Variants in DLGAP2 observed in about 807,000 individuals in gnomAD.
DLGAP2 encodes the protein DLG associated protein 2, also known as disks large-associated protein 2.
In DLGAP2, 26 loss-of-function variants were observed where a neutral mutation model predicts 100.3. The ratio of observed to expected loss-of-function variants is 0.26; its 90% CI spans 0.19 to 0.36. The LOEUF is 0.36. Among genes scored for constraint, DLGAP2 ranks in the 10% least tolerant of loss-of-function variants. The probability of loss-of-function intolerance (pLI) is 1.00; values close to 1 mark genes in which losing one functional copy is unlikely to be tolerated. For missense variants in DLGAP2, 1,858 were observed against 1,453.2 expected, an observed-to-expected ratio of 1.28 and a Z score of -4.53; for synonymous variants, 886 against 630.1, an observed-to-expected ratio of 1.41 and a Z score of -6.08.
At chr8:1,465,264 G>A (rs754531377) in intron 3 of DLGAP2, among the ~76,000 whole-genome samples, 22 of 152,074 alleles carry the variant, frequency 1.4e-4, no homozygotes, top group Non-Finnish European at 2.6e-4. Context: ...AGTGGCTCCC[G>A]AAACTCTGGG....
chr8:1,374,068 A>AGGG lies in DLGAP2; in HGVS notation c.106+115185_106+115186insGGG, dbSNP rs1802324897. ...GGTGGAGGTTAGGTTAGGTTTGCAGACGGCTGTGTGGTGGAGGTTAGGTTA... is the reference window on the plus strand; with the variant it reads ...GGTGGAGGTTAGGTTAGGTTTGCAGAGGGCGGCTGTGTGGTGGAGGTTAGGTTA... On this transcript the variant is annotated intron_variant, in intron 3 of 14. Transcript: ENST00000637795. Among the ~76,000 whole-genome samples, 6 of 151,596 alleles carry AGGG rather than the reference A, an allele frequency of 4.0e-5. No individual in the cohort carries two copies. In the East Asian group the frequency reaches 5.8e-4, roughly 15 times the overall value.
chr8:751,658 G>A (rs906327787), intron 1 of DLGAP2, among the ~76,000 whole-genome samples: 2 of 151,748 alleles, frequency 1.3e-5, no homozygotes, highest in African/African-American at 4.8e-5. Context: ...TTTATAGTAA[G>A]TCCTTATAGT....
chr8:1,508,390 ACCCCCC>A (rs1282128490), intron 4 of DLGAP2, among the ~76,000 whole-genome samples: 1 of 5,916 alleles, frequency 1.7e-4, no homozygotes, highest in East Asian at 3.1e-3. Context: ...ACCACCCCCC[ACCCCCC>A]CACCCCTCAC....
intron 1 of DLGAP2, among the ~76,000 whole-genome samples, chr8:851,798 A>G (rs1271696506): frequency 2.0e-5 from 3 of 152,148 alleles, no homozygotes; most frequent in African/African-American, 7.2e-5. Flanking sequence ...GATGCCAGGA[A>G]CCACACTCGG....
intron 3 of DLGAP2, among the ~76,000 whole-genome samples, chr8:1,331,915 C>G (rs148554904): frequency 8.5e-4 from 129 of 152,326 alleles, no homozygotes; most frequent in African/African-American, 3.0e-3. Context: ...AGCCATGTGT[C>G]AGCAAACAAT....
chr8:1,182,539 A>G (rs548280437), intron 2 of DLGAP2, among the ~76,000 whole-genome samples: 5 of 152,246 alleles, frequency 3.3e-5, no homozygotes, highest in East Asian at 1.9e-4. Context: ...TGTGATGTCT[A>G]TGTGAGATGC....
At chr8:905,853 G>T (rs988150233) in intron 1 of DLGAP2, among the ~76,000 whole-genome samples, 1 of 132,512 alleles carries the variant, frequency 7.5e-6, no homozygotes, top group East Asian at 2.4e-4. Flanking sequence ...CATGTCTTGT[G>T]ACCTCTCGCG....
chr8:1,257,442 C>A (rs796349883), intron 2 of DLGAP2, among the ~76,000 whole-genome samples: 8 of 152,258 alleles, frequency 5.3e-5, no homozygotes, highest in African/African-American at 1.9e-4. Context: ...TCCACCCCCC[C>A]GCCCCATCCT....
chr8:1,368,094 T>C (rs1341274025), intron 3 of DLGAP2, among the ~76,000 whole-genome samples: 11 of 152,212 alleles, frequency 7.2e-5, no homozygotes, highest in African/African-American at 2.7e-4. Flanking sequence ...GTTGCTGTTG[T>C]GTTGAGTGCT....
chr8:908,455 T>C (rs1037519636), intron 2 of DLGAP2, among the ~76,000 whole-genome samples: 6 of 152,138 alleles, frequency 3.9e-5, no homozygotes, highest in African/African-American at 1.4e-4. Flanking sequence ...CTGGCATGAA[T>C]GTTTTGAAGT....
intron 2 of DLGAP2, among the ~76,000 whole-genome samples, chr8:1,162,574 G>T (rs1439700862): frequency 6.6e-6 from 1 of 152,220 alleles, no homozygotes; most frequent in Non-Finnish European, 1.5e-5. Context: ...AATAGTCAAT[G>T]ACATTCAGAA....
At chr8:1,571,828 G>A (rs2130602287) in intron 6 of DLGAP2, among the ~76,000 whole-genome samples, 2 of 123,468 alleles carry the variant, frequency 1.6e-5, no homozygotes, top group Admixed American at 8.2e-5. Flanking sequence ...GGAGAGGAGA[G>A]AGGGTAAACT....
chr8:951,085 AT>A (rs917974682), intron 2 of DLGAP2, among the ~76,000 whole-genome samples: 1 of 152,104 alleles, frequency 6.6e-6, no homozygotes, highest in Non-Finnish European at 1.5e-5. Flanking sequence ...ACTACATTCT[AT>A]TTTTTTAACT....
intron 3 of DLGAP2, among the ~76,000 whole-genome samples, chr8:1,411,572 C>T (rs1796731941): frequency 6.6e-6 from 1 of 152,156 alleles, no homozygotes; most frequent in African/African-American, 2.4e-5. Context: ...AACGAGGTAA[C>T]CGAAATGCGG....
rs553989647 is a variant in DLGAP2, at chr8:1,057,342, A to T, written c.73+149376A>T. Reference sequence around the variant, plus strand: ...TATTAAGAAACAGGAGTTTTAACACAGGAAAATTTGAATTACATACAGTTC... The same window carrying T: ...TATTAAGAAACAGGAGTTTTAACACTGGAAAATTTGAATTACATACAGTTC... On this transcript the variant is annotated intron_variant, in intron 2 of 14. Coordinates refer to ENST00000637795, the MANE Select transcript of DLGAP2 (RefSeq NM_001346810.2). Among the ~76,000 whole-genome samples the T allele has an allele frequency of 2.6e-5, 4 of 152,376 alleles. No individual in the cohort carries two copies. The South Asian group carries it at 8.3e-4, about 32-fold the overall frequency.
intron 2 of DLGAP2, among the ~76,000 whole-genome samples, chr8:949,261 A>C (rs1053613080): frequency 6.6e-6 from 1 of 152,150 alleles, no homozygotes; most frequent in Non-Finnish European, 1.5e-5. Context: ...CGGCAGGAAA[A>C]GGAGGAACTT....
intron 3 of DLGAP2, among the ~76,000 whole-genome samples, chr8:1,327,822 C>T (rs1801057066): frequency 6.6e-6 from 1 of 152,100 alleles, no homozygotes; most frequent in South Asian, 2.1e-4. Context: ...CCAGCCTGGG[C>T]AACAGAGGGA....
At chr8:1,584,046 C>A (rs1419102644) in intron 6 of DLGAP2, among the ~76,000 whole-genome samples, 1 of 152,120 alleles carries the variant, frequency 6.6e-6, no homozygotes, top group Non-Finnish European at 1.5e-5. Context: ...GTCTCTACCA[C>A]ATGCCTGTTT....
chr8:1,566,701 G>A lies in DLGAP2; in HGVS notation c.1442+807G>A, dbSNP rs572585408. ...ATCAGACAGGGAGCCCTGGGCCACA[G>A]GGCCCTCCCTGTATTGTCTCTATCC... On this transcript the variant is annotated intron_variant, in intron 6 of 14. Coordinates refer to ENST00000637795, the MANE Select transcript of DLGAP2 (RefSeq NM_001346810.2). 2.0e-5 allele frequency among the ~76,000 whole-genome samples: 3 copies of A among 152,334 alleles called. No homozygotes were observed. The South Asian group carries it at 6.2e-4, about 32-fold the overall frequency.
Sources: gnomAD v4.1 joint callset for allele counts (sites outside exome capture counted in the v4.1 genomes callset) on GRCh38, gnomAD v4.1.1 for gene constraint, MANE v1.5 for transcripts, NCBI Gene and HGNC (gene_info 2026-07-23, HGNC 2026-07-21) for gene names.